PAEP: variants seen among roughly 807,000 people sequenced by gnomAD.
PAEP encodes glycodelin.
A neutral mutation model predicts 23.0 loss-of-function variants in PAEP; 28 were observed. That is an observed-to-expected ratio of 1.22 (90% CI 0.90 to 1.67). The LOEUF is 1.67. PAEP is among the 40% of genes most tolerant of loss of function. The pLI is 0.00. For missense variants in PAEP, 209 were observed against 226.4 expected, an observed-to-expected ratio of 0.92 and a Z score of 0.49; for synonymous variants, 103 against 92.4, an observed-to-expected ratio of 1.12 and a Z score of -0.66.
chr9:135,561,823 C>G lies in PAEP; in HGVS notation c.22C>G (p.Leu8Val). 1.3e-6 allele frequency: 2 copies of G among 1,556,668 alleles called. No homozygotes were observed. The highest frequency in any genetic ancestry group is 1.4e-5 in the African/African-American group (1 of 73,606). Residue 8 changes from leucine (L) to valine (V), a missense_variant, in exon 1 of 7, where the codon CTG (leucine) becomes GTG (valine). By Grantham distance (32) the Leu-to-Val change is conservative. Coordinates refer to ENST00000479141, the MANE Select transcript of PAEP (RefSeq NM_002571.4). Reference sequence around the variant, plus strand: ...AGCCATGCTGTGCCTCCTGCTCACCCTGGGCGTGGCCCTGGTCTGTGGTGT... The same window carrying G: ...AGCCATGCTGTGCCTCCTGCTCACCGTGGGCGTGGCCCTGGTCTGTGGTGT... MLCLLLT[L>V]GVALVCGVPA... is the part of the protein sequence containing the mutation.
intron 1 of PAEP, 62 bp from the exon 2 acceptor site, chr9:135,562,232 G>A: frequency 6.3e-7 from 1 of 1,582,874 alleles, no homozygotes; most frequent in Non-Finnish European, 8.6e-7. Flanking sequence ...AGCCCCGTCT[G>A]CACCGGGTGC....
intron 6 of PAEP, chr9:135,566,123 G>A (rs1832569283): frequency 2.7e-6 from 1 of 364,472 alleles, no homozygotes; most frequent in Non-Finnish European, 5.0e-6. Flanking sequence ...TGGTTACATG[G>A]AAGGGCATGA....
chr9:135,562,836 G>A lies in PAEP; in HGVS notation c.253G>A (p.Val85Ile), dbSNP rs995506818. The A allele has an allele frequency of 2.9e-5, 47 of 1,613,822 alleles. No homozygotes were observed. Among genetic ancestry groups the A allele is most frequent in the Non-Finnish European group, 3.9e-5 (46 of 1,179,818 alleles). ...ACCTTTCAGGGAGAACAACAGCTGT[G>A]TTGAGAAGAAGGTCCTTGGAGAGAA... Reference protein sequence around the residue: ...VLHRWENNSCVEKKVLGEKTE... With the variant: ...VLHRWENNSCIEKKVLGEKTE... The change falls in exon 3 of 7, where the codon GTT becomes ATT. Residue 85 changes from valine to isoleucine, a missense_variant. Transcript: ENST00000479141.
chr9:135,562,498 C>T lies in PAEP; in HGVS notation c.236+65C>T, dbSNP rs879026316. On this transcript the variant is annotated intron_variant, in intron 2 of 6. Coordinates refer to ENST00000479141, the MANE Select transcript of PAEP (RefSeq NM_002571.4). ...AGTCTCCCCCCTCAGGGGTCCAGGACTGGGTGGGTTGGGCGGAGCTGGACT... is the reference window on the plus strand; with the variant it reads ...AGTCTCCCCCCTCAGGGGTCCAGGATTGGGTGGGTTGGGCGGAGCTGGACT... 5.2e-5 allele frequency: 81 copies of T among 1,568,646 alleles called. 1 individual carries two copies. In the South Asian group the frequency reaches 8.7e-4, roughly 17 times the overall value.
chr9:135,565,636 C>A (rs783774), intron 5 of PAEP, 122 bp downstream of exon 5: 271,620 of 1,328,488 alleles, frequency 0.2, 30,026 homozygotes, highest in Middle Eastern at 0.25. Flanking sequence ...CCCCTGTTCT[C>A]CCCTGGCCTT....
intron 4 of PAEP, chr9:135,565,200 C>G (rs1221808000): frequency 1.7e-6 from 1 of 587,694 alleles, no homozygotes; most frequent in Non-Finnish European, 3.0e-6. Flanking sequence ...GGGGCCGGGC[C>G]AAGGAGTGGG....
At chr9:135,562,516 G>A in intron 2 of PAEP, 83 bp downstream of exon 2, 1 of 1,504,870 alleles carries the variant, frequency 6.6e-7, no homozygotes, top group Non-Finnish European at 9.0e-7. Context: ...GTTGGGCGGA[G>A]CTGGACTTAG....
At chr9:135,563,725 T>C (rs1419897070) in intron 3 of PAEP, among the ~76,000 whole-genome samples, 1 of 152,166 alleles carries the variant, frequency 6.6e-6, no homozygotes, top group East Asian at 1.9e-4. Context: ...TGTTAATTAT[T>C]ATTTTTTTAA....
chr9:135,562,903 C>T lies in PAEP; in HGVS notation c.310+10C>T, dbSNP rs775784064. On this transcript the variant is annotated intron_variant, in intron 3 of 6. Coordinates refer to ENST00000479141, the MANE Select transcript of PAEP (RefSeq NM_002571.4). ...AAGTTCAAGATCAACTGTGAGTGTC[C>T]CCAGGCCCCAAGGGCTGGCTCAGTG... The T allele has an allele frequency of 1.2e-6, 2 of 1,609,314 alleles. No homozygotes were observed. Among genetic ancestry groups the T allele is most frequent in the Non-Finnish European group, 1.7e-6 (2 of 1,175,706 alleles).
chr9:135,562,301 G>A lies in PAEP; in HGVS notation c.104G>A (p.Gly35Glu). The A allele has an allele frequency of 3.7e-6, 6 of 1,613,762 alleles. No homozygotes were observed. The highest frequency in any genetic ancestry group is 5.1e-6 in the Non-Finnish European group (6 of 1,179,916). ...AGCCCAAGGCCCCCTCAGTTGGCAG[G>A]GACCTGGCACTCCATGGCCATGGCG... ...KQDLELPKLA[G>E]TWHSMAMATN... The change falls in exon 2 of 7, where the codon GGG (glycine) becomes GAG (glutamate). Residue 35 changes from glycine to glutamate, a missense_variant. Gly to Glu is a moderately conservative substitution (Grantham distance 98, BLOSUM62 -2). Coordinates refer to ENST00000479141, the MANE Select transcript of PAEP (RefSeq NM_002571.4).
At position 135,565,778 on chromosome 9, in the gene PAEP, C is replaced by G. The variant is rs1284166368; in HGVS notation, c.527-7C>G. 6.2e-7 allele frequency: 1 copy of G among 1,614,030 alleles called. No individual in the cohort carries two copies. Among genetic ancestry groups the G allele is most frequent in the South Asian group, 1.1e-5 (1 of 91,080 alleles). ...TGACACCTCCACTGTCCCATCTCCT[C>G]CCACAGAGCCGTGCCGTTTCTAGGT... On this transcript the variant is annotated splice_region_variant and splice_polypyrimidine_tract_variant and intron_variant, in intron 5 of 6. Transcript: ENST00000479141.
In PAEP at chr9:135,565,435, G is replaced by T; in HGVS notation, c.447G>T (p.Glu149Asp). The T allele has an allele frequency of 6.2e-7, 1 of 1,614,162 alleles. No homozygotes were observed. The highest frequency in any genetic ancestry group is 8.5e-7 in the Non-Finnish European group (1 of 1,180,010). ...YLARVLVEDD[E>D]IMQGFIRAFR... ...CCAGAGTCCTGGTGGAGGACGATGA[G>T]ATCATGCAGGGATTCATCAGGGCTT... Residue 149 changes from glutamate (E) to aspartate (D), a missense_variant, in exon 5 of 7, where the codon GAG becomes GAT. Physicochemically the swap from Glu to Asp is conservative, Grantham distance 45. Transcript: ENST00000479141.
In PAEP at chr9:135,564,326, C is replaced by G. The variant is rs1307659405; in HGVS notation, c.393C>G (p.Pro131=). Residue 131 remains proline, a synonymous_variant, in exon 4 of 7, where the codon CCC becomes CCG. Coordinates refer to ENST00000479141, the MANE Select transcript of PAEP (RefSeq NM_002571.4). The stretch of plus-strand genomic sequence containing the variant: ...TCTGCCTACAGGACACCACCACCCC[C>G]ATCCAGAGCATGATGTGCCAGTACC... The part of the protein sequence containing the change: ...LFLCLQDTTT[P]IQSMMCQYLA... The G allele has an allele frequency of 6.4e-7, 1 of 1,551,046 alleles. No homozygotes were observed. The highest frequency in any genetic ancestry group is 1.4e-5 in the African/African-American group (1 of 73,088).
chr9:135,564,321 A>C lies in PAEP; in HGVS notation c.388A>C (p.Thr130Pro), dbSNP rs1350535956. 4 of 1,551,066 alleles carry C rather than the reference A, an allele frequency of 2.6e-6. No homozygotes were observed. The highest frequency in any genetic ancestry group is 3.5e-6 in the Non-Finnish European group (4 of 1,147,328). Residue 130 changes from threonine to proline, a missense_variant, in exon 4 of 7, where the codon ACC becomes CCC. Thr to Pro is a conservative substitution (Grantham distance 38). Transcript: ENST00000479141. ...FLFLCLQDTT[T>P]PIQSMMCQYL... ...GTTTCTCTGCCTACAGGACACCACC[A>C]CCCCCATCCAGAGCATGATGTGCCA... is the stretch of plus-strand genomic sequence containing the variant.
intron 3 of PAEP, among the ~76,000 whole-genome samples, chr9:135,563,511 TGGGCAGGTGGGCAGGTGGGC>T (rs1832431473): frequency 1.4e-5 from 2 of 147,284 alleles, no homozygotes; most frequent in South Asian, 2.2e-4. Context: ...GGTGAACAGG[TGGGCAGGTGGGCAGGTGGGC>T]AGGTGGGCAG....
At chr9:135,564,691 G>A (rs1832495964) in intron 4 of PAEP, 1 of 616,056 alleles carries the variant, frequency 1.6e-6, no homozygotes, top group Admixed American at 6.3e-5. Context: ...TTTTGGTAGA[G>A]ACGGGGTTTC....
At chr9:135,562,180 G>A in intron 1 of PAEP, 114 bp from the exon 2 acceptor site, 4 of 1,213,950 alleles carry the variant, frequency 3.3e-6, no homozygotes, top group Non-Finnish European at 4.6e-6. Context: ...GTAGATAGCA[G>A]ACAACCATCC....
chr9:135,564,071 C>T (rs980150053), intron 3 of PAEP, among the ~76,000 whole-genome samples, 173 bp from the exon 4 acceptor site: 2 of 152,232 alleles, frequency 1.3e-5, no homozygotes, highest in Admixed American at 6.5e-5. Flanking sequence ...CACATTGCCT[C>T]TCCTCCCCTT....
chr9:135,561,944 G>A (rs200586802), intron 1 of PAEP, 47 bp downstream of exon 1: 74 of 1,404,290 alleles, frequency 5.3e-5, no homozygotes, highest in East Asian at 4.8e-4. Flanking sequence ...GGCCTGGGGC[G>A]GGTGGGAGCT....
Sources: allele counts gnomAD v4.1 joint callset (sites outside exome capture counted in the v4.1 genomes callset), GRCh38; gene constraint gnomAD v4.1.1; transcripts MANE v1.5; gene names NCBI Gene and HGNC (gene_info 2026-07-23, HGNC 2026-07-21).